The following FRMD3 variants were observed in gnomAD, a reference collection of about 807,000 sequenced individuals.
FRMD3 encodes the protein FERM domain-containing protein 3.
Under a neutral mutation model 70.2 loss-of-function variants are expected in FRMD3, and 33 were observed. That is an observed-to-expected ratio of 0.47 (90% CI 0.36 to 0.63). The LOEUF (loss-of-function observed/expected upper bound fraction) is 0.63. Ranked by LOEUF, FRMD3 falls within the 20% of genes least tolerant of loss-of-function variation. The pLI, the probability that FRMD3 is intolerant of heterozygous loss-of-function variation, is 0.00. For missense variants in FRMD3, 632 were observed against 711.4 expected (o/e 0.89, Z 1.27); for synonymous variants, 279 against 255.9 (o/e 1.09, Z -0.86).
chr9:83,487,776 C>T (rs1271391884), intron 1 of FRMD3, among the ~76,000 whole-genome samples: 2 of 152,074 alleles, frequency 1.3e-5, no homozygotes, highest in Non-Finnish European at 2.9e-5. Context: ...GAGAAGATGT[C>T]CCAGGGTTAA....
In FRMD3 at chr9:83,469,591, C is replaced by A. The variant is rs141511105; in HGVS notation, c.147+68494G>T. ...GAAACTTAAGACCAAATAATTGCAC[C>A]TTTTCAAAGTCATTGATAAGGATGT... On this transcript the variant is annotated intron_variant, in intron 1 of 13. Transcript: ENST00000304195. Among the ~76,000 whole-genome samples, 226 of 152,200 alleles carry A rather than the reference C, an allele frequency of 1.5e-3. 6 individuals carry two copies. In the East Asian group the frequency reaches 0.041, roughly 28 times the overall value.
chr9:83,272,176 G>A (rs928091587), intron 13 of FRMD3, among the ~76,000 whole-genome samples: 1 of 150,896 alleles, frequency 6.6e-6, no homozygotes, highest in Admixed American at 6.6e-5. Flanking sequence ...CTGTACTGCC[G>A]CCATCTTGGC....
intron 3 of FRMD3, among the ~76,000 whole-genome samples, chr9:83,369,465 A>G (rs888657370): frequency 1.3e-5 from 2 of 151,952 alleles, no homozygotes; most frequent in South Asian, 4.1e-4. Context: ...AATCCCAGCT[A>G]CTCAGGGAGG....
At chr9:83,533,126 TCAGTCCCAAGAGG>T (rs1191403040) in intron 1 of FRMD3, among the ~76,000 whole-genome samples, 2 of 152,154 alleles carry the variant, frequency 1.3e-5, no homozygotes, top group Non-Finnish European at 2.9e-5. Context: ...GCCTAATCAT[TCAGTCCCAAGAGG>T]CAGTGCTCCA....
In FRMD3 at chr9:83,453,958, A is replaced by G. The variant is rs149556052; in HGVS notation, c.148-64250T>C. Among the ~76,000 whole-genome samples the G allele has an allele frequency of 8.5e-3, 1,287 of 152,110 alleles. 13 individuals carry two copies. The highest frequency in any genetic ancestry group is 0.029 in the African/African-American group (1,193 of 41,486). ...TCTCGATCTCCTGACCTCGTGATCC[A>G]TCTGCCTCGGCCTACTAAAGTGCTG... On this transcript the variant is annotated intron_variant, in intron 1 of 13. Transcript: ENST00000304195.
chr9:83,477,523 C>T (rs1458423255), intron 1 of FRMD3, among the ~76,000 whole-genome samples: 2 of 152,140 alleles, frequency 1.3e-5, no homozygotes, highest in Non-Finnish European at 2.9e-5. Context: ...ATTTGCAAAG[C>T]TCCCCAGGTA....
intron 3 of FRMD3, among the ~76,000 whole-genome samples, chr9:83,351,545 A>G (rs1290703370): frequency 1.3e-5 from 2 of 152,296 alleles, no homozygotes; most frequent in East Asian, 1.9e-4. Flanking sequence ...TACATCATTC[A>G]TCTTTAATGA....
At chr9:83,372,787 G>A in intron 3 of FRMD3, 126 bp downstream of exon 3, 1 of 825,604 alleles carries the variant, frequency 1.2e-6, no homozygotes. Flanking sequence ...TGGGGAGAGA[G>A]AAGCCCCCAC....
chr9:83,559,335 A>T, the FRMD3 span, among the ~76,000 whole-genome samples: 12 of 152,248 alleles, frequency 7.9e-5, no homozygotes, highest in African/African-American at 2.7e-4. Context: ...ATTTTTTAGC[A>T]ATGAAGTATT....
chr9:83,322,930 A>G (rs1008220613), intron 6 of FRMD3, among the ~76,000 whole-genome samples: 1 of 152,212 alleles, frequency 6.6e-6, no homozygotes, highest in Non-Finnish European at 1.5e-5. Context: ...ACATACTCCT[A>G]TATCTAGTCA....
At chr9:83,439,556 T>C (rs548230029) in intron 1 of FRMD3, among the ~76,000 whole-genome samples, 2 of 152,348 alleles carry the variant, frequency 1.3e-5, no homozygotes, top group South Asian at 4.1e-4. Flanking sequence ...TTGGCTTCTT[T>C]ATGCAGCAGC....
At chr9:83,324,565 A>G (rs929666370) in intron 6 of FRMD3, among the ~76,000 whole-genome samples, 1 of 152,208 alleles carries the variant, frequency 6.6e-6, no homozygotes, top group South Asian at 2.1e-4. Flanking sequence ...AAATCATTGG[A>G]TGAAATATTA....
At chr9:83,585,780 A>G in the FRMD3 span, among the ~76,000 whole-genome samples, 1 of 152,218 alleles carries the variant, frequency 6.6e-6, no homozygotes, top group Non-Finnish European at 1.5e-5. Context: ...TGGTTTTCTG[A>G]TACATGCACA....
intron 1 of FRMD3, among the ~76,000 whole-genome samples, chr9:83,447,087 C>T (rs1454316088): frequency 6.6e-6 from 1 of 152,124 alleles, no homozygotes; most frequent in East Asian, 1.9e-4. Context: ...GCAGTGGCGC[C>T]ATCTCGGCTC....
At position 83,298,854 on chromosome 9, in the gene FRMD3, T is replaced by C. The variant is rs780679222; in HGVS notation, c.1002-38A>G. ...GAAACACATGTGTATGCACACATAG[T>C]CAGAGAAGAATGGGAGGGATATGCA... On this transcript the variant is annotated intron_variant, in intron 11 of 13. Transcript: ENST00000304195. The C allele has an allele frequency of 1.1e-5, 18 of 1,583,082 alleles. No individual in the cohort carries two copies. The East Asian group carries it at 4.0e-4, about 35-fold the overall frequency.
chr9:83,345,401 G>A (rs1323668891), intron 4 of FRMD3, among the ~76,000 whole-genome samples: 1 of 152,162 alleles, frequency 6.6e-6, no homozygotes, highest in Non-Finnish European at 1.5e-5. Flanking sequence ...TACTTGAAGA[G>A]TTTGTTAAAA....
At chr9:83,419,154 G>C (rs189325605) in intron 1 of FRMD3, among the ~76,000 whole-genome samples, 1 of 151,960 alleles carries the variant, frequency 6.6e-6, no homozygotes, top group East Asian at 1.9e-4. Context: ...GTAGGAGGGG[G>C]GCCAGGGGTT....
chr9:83,351,270 C>CA (rs139620940), intron 3 of FRMD3, among the ~76,000 whole-genome samples: 27 of 145,818 alleles, frequency 1.9e-4, no homozygotes, highest in African/African-American at 2.8e-4. Flanking sequence ...ATCTAAATTA[C>CA]AAAAAAAAAG....
downstream of FRMD3, among the ~76,000 whole-genome samples, chr9:83,243,495 G>GTGAC (rs1316577217): frequency 6.6e-6 from 1 of 152,210 alleles, no homozygotes; most frequent in African/African-American, 2.4e-5. Context: ...CCTCCAGGCA[G>GTGAC]TGACAATGGG....
Sources: allele counts gnomAD v4.1 joint callset (sites outside exome capture counted in the v4.1 genomes callset), GRCh38; gene constraint gnomAD v4.1.1; transcripts MANE v1.5; gene names NCBI Gene and HGNC (gene_info 2026-07-23, HGNC 2026-07-21).